FBP2: variants seen among roughly 807,000 people sequenced by gnomAD.
The protein encoded by FBP2 is fructose-bisphosphatase 2, also known as fructose-1,6-bisphosphatase isozyme 2.
Under a neutral mutation model 31.6 loss-of-function variants are expected in FBP2, and 27 were observed. The observed-to-expected ratio is 0.85, with a 90% confidence interval of 0.63 to 1.18. The LOEUF (loss-of-function observed/expected upper bound fraction) is 1.18, where lower values mean the gene tolerates loss of function less well. Among genes scored for constraint, FBP2 ranks in the 50% most tolerant of loss-of-function variants. The pLI is 0.00. For missense variants in FBP2, 421 were observed against 436.1 expected (o/e 0.97, Z 0.31); for synonymous variants, 168 against 179.8 (o/e 0.93, Z 0.53).
intron 5 of FBP2, among the ~76,000 whole-genome samples, chr9:94,563,871 A>G (rs1276653123): frequency 6.6e-6 from 1 of 152,222 alleles, no homozygotes; most frequent in African/African-American, 2.4e-5. Context: ...CTTTAAACCA[A>G]TAAAGTTCAA....
intron 1 of FBP2, among the ~76,000 whole-genome samples, chr9:94,589,920 C>A (rs1827471880): frequency 6.6e-6 from 1 of 152,296 alleles, no homozygotes; most frequent in South Asian, 2.1e-4. Flanking sequence ...TTCAGGGGAC[C>A]ACAAACACAG....
intron 3 of FBP2, 102 bp from the exon 4 acceptor site, chr9:94,571,704 C>T (rs1194130324): frequency 4.5e-6 from 5 of 1,102,352 alleles, no homozygotes; most frequent in East Asian, 2.6e-5. Flanking sequence ...CTGAAGGAAG[C>T]GCGGTTCTTT....
At chr9:94,582,850 CTT>C (rs1174064928) in intron 3 of FBP2, among the ~76,000 whole-genome samples, 3,450 of 107,310 alleles carry the variant, frequency 0.032, 59 homozygotes, top group Middle Eastern at 0.067. Flanking sequence ...TCCCAGCCCC[CTT>C]TTTTTTTTTT....
chr9:94,585,778 A>T (rs1298839278), intron 2 of FBP2, among the ~76,000 whole-genome samples: 1 of 151,494 alleles, frequency 6.6e-6, no homozygotes, highest in African/African-American at 2.4e-5. Flanking sequence ...GCACACCACC[A>T]TGCCGAGCTA....
chr9:94,578,208 G>T (rs73653488), intron 3 of FBP2, among the ~76,000 whole-genome samples: 3,623 of 152,170 alleles, frequency 0.024, 146 homozygotes, highest in African/African-American at 0.083. Context: ...TAATTTTTTT[G>T]ACAAATAAGA....
intron 5 of FBP2, 78 bp downstream of exon 5, chr9:94,567,192 G>T: frequency 6.8e-7 from 1 of 1,477,564 alleles, no homozygotes; most frequent in Non-Finnish European, 9.4e-7. Context: ...TTTCAGCAAA[G>T]CCCCTGAAGC....
Position 94,567,296 on chromosome 9 carries a change from A to T in FBP2, c.679T>A (p.Tyr227Asn). The T allele has an allele frequency of 6.2e-7, 1 of 1,614,126 alleles. No homozygotes were observed. Among genetic ancestry groups the T allele is most frequent in the Non-Finnish European group, 8.5e-7 (1 of 1,180,016 alleles). The change falls in exon 5 of 7, where the codon TAT (tyrosine) becomes AAT (asparagine). Residue 227 changes from tyrosine to asparagine, a missense_variant. Tyr to Asn is a moderately radical substitution (Grantham distance 143, BLOSUM62 -2). Coordinates refer to ENST00000375337, the MANE Select transcript of FBP2 (RefSeq NM_003837.4). ...AKYFDAATTE[Y>N]VQKKKFPEDG... ...TCAGGGAATTTCTTTTTCTGCACATATTCAGTGGTGGCCGCATCAAAATAC... is the reference window on the plus strand; with the variant it reads ...TCAGGGAATTTCTTTTTCTGCACATTTTCAGTGGTGGCCGCATCAAAATAC...
intron 1 of FBP2, among the ~76,000 whole-genome samples, chr9:94,591,675 T>C (rs908043667): frequency 6.6e-6 from 1 of 152,170 alleles, no homozygotes; most frequent in South Asian, 2.1e-4. Context: ...GGTCTGGGCT[T>C]GGAACCGCGG....
At chr9:94,573,708 T>G (rs1361740524) in intron 3 of FBP2, among the ~76,000 whole-genome samples, 2 of 152,254 alleles carry the variant, frequency 1.3e-5, no homozygotes, top group Non-Finnish European at 2.9e-5. Context: ...TTATTTTATG[T>G]ATTGTTGAAT....
At position 94,593,803 on chromosome 9, in the gene FBP2, T is replaced by G; in HGVS notation, c.-77A>C. ...TTCTGAGGGCTGCAGCTCCGCAGTG[T>G]GGAAGCCGATAAGAAATCTGTGCTG... On this transcript the variant is annotated 5_prime_UTR_variant, in exon 1 of 7. Transcript: ENST00000375337. 1 of 1,502,794 alleles carries G rather than the reference T, an allele frequency of 6.7e-7. No homozygotes were observed. 93.1% of individuals were successfully genotyped at this position (1,502,794 alleles called of 1,614,324 possible). A position where few individuals can be genotyped will look rare whatever the true frequency, so the allele number is the denominator to read the frequency against.
Position 94,567,299 on chromosome 9 carries a change from CA to C in FBP2, c.675del (p.Glu226AsnfsTer81). On this transcript the variant is annotated frameshift_variant, in exon 5 of 7. Coordinates refer to ENST00000375337, the MANE Select transcript of FBP2 (RefSeq NM_003837.4). LOFTEE classifies it high-confidence loss of function. ...GGGAATTTCTTTTTCTGCACATATT[CA>C]GTGGTGGCCGCATCAAAATACTTGG... ...GYAKYFDAAT[T>X]EYVQKKKFPE... is the part of the protein sequence containing the mutation. 6.2e-7 allele frequency: 1 copy of C among 1,614,196 alleles called. No individual in the cohort carries two copies. Among genetic ancestry groups the C allele is most frequent in the South Asian group, 1.1e-5 (1 of 91,084 alleles).
Position 94,563,444 on chromosome 9 carries a change from A to G in FBP2, c.723T>C (p.Tyr241=), listed in dbSNP as rs41281154. The G allele has an allele frequency of 0.043, 69,611 of 1,613,684 alleles. 3,726 individuals are homozygous for G. The highest frequency in any genetic ancestry group is 0.22 in the African/African-American group (16,147 of 74,952). Residue 241 remains tyrosine (Y), a synonymous_variant, in exon 6 of 7, where the codon TAT becomes TAC. Coordinates refer to ENST00000375337, the MANE Select transcript of FBP2 (RefSeq NM_003837.4). ...CCATGGAGCCCACATACCTGGCCCCATAGGGAGCACTGCCATCCTAGAAGA... is the reference window on the plus strand; with the variant it reads ...CCATGGAGCCCACATACCTGGCCCCGTAGGGAGCACTGCCATCCTAGAAGA... ...KKFPEDGSAP[Y]GARYVGSMVA... is the part of the protein sequence containing the mutation.
At chr9:94,561,352 A>ACTTTTTT (rs1827097696) in intron 6 of FBP2, among the ~76,000 whole-genome samples, 9 of 54,990 alleles carry the variant, frequency 1.6e-4, no homozygotes, top group African/African-American at 7.0e-4. Flanking sequence ...TGTGACCTGT[A>ACTTTTTT]TTTTTTTTTT....
At chr9:94,584,457 G>A in intron 3 of FBP2, 120 bp downstream of exon 3, 1 of 675,646 alleles carries the variant, frequency 1.5e-6, no homozygotes, top group South Asian at 1.8e-5. Context: ...TTTGCCTACA[G>A]TGGCTTTTCT....
Position 94,593,546 on chromosome 9 carries a change from C to G in FBP2, c.170+11G>C, listed in dbSNP as rs778688824. ...GTGCTCTGTGCCCCATGCCTGCTCC[C>G]CAGGACTCACAGGTGGGCCAGACCG... On this transcript the variant is annotated intron_variant, in intron 1 of 6. Transcript: ENST00000375337. The G allele has an allele frequency of 1.2e-6, 2 of 1,611,368 alleles. No homozygotes were observed. Among genetic ancestry groups the G allele is most frequent in the Admixed American group, 3.3e-5 (2 of 59,928 alleles).
rs1010788991 is a variant in FBP2, at chr9:94,564,556, G to A, written c.706-1095C>T. On this transcript the variant is annotated intron_variant, in intron 5 of 6. Coordinates refer to ENST00000375337, the MANE Select transcript of FBP2 (RefSeq NM_003837.4). ...CTAATTATCTTAAGTAAACTAACAC[G>A]GAAATAGGAAACCAAATGCCACATG... 2.0e-4 allele frequency among the ~76,000 whole-genome samples: 30 copies of A among 152,104 alleles called. No individual in the cohort carries two copies. In the South Asian group the frequency reaches 2.9e-3, roughly 15 times the overall value.
At chr9:94,584,147 G>A (rs1300650697) in intron 3 of FBP2, among the ~76,000 whole-genome samples, 2 of 152,154 alleles carry the variant, frequency 1.3e-5, no homozygotes, top group East Asian at 3.9e-4. Context: ...TTCAAATAGG[G>A]AGATCACCGT....
chr9:94,586,486 C>A (rs577130073), intron 2 of FBP2, among the ~76,000 whole-genome samples: 1 of 152,292 alleles, frequency 6.6e-6, no homozygotes, highest in Admixed American at 6.5e-5. Flanking sequence ...GTAGATCAGA[C>A]TGGAGAGAGA....
chr9:94,585,803 G>T (rs1353246121), intron 2 of FBP2, among the ~76,000 whole-genome samples: 2 of 150,496 alleles, frequency 1.3e-5, no homozygotes, highest in Non-Finnish European at 3.0e-5. Context: ...TTTATCTTTT[G>T]TATCTTTATG....
Sources: allele counts gnomAD v4.1 joint callset (sites outside exome capture counted in the v4.1 genomes callset), GRCh38; gene constraint gnomAD v4.1.1; transcripts MANE v1.5; gene names NCBI Gene and HGNC (gene_info 2026-07-23, HGNC 2026-07-21).